KHDRBS2: variants seen among roughly 807,000 people sequenced by gnomAD.
KHDRBS2 encodes KH domain-containing, RNA-binding, signal transduction-associated protein 2.
KHDRBS2 carries 26 observed loss-of-function variants against 44.3 expected under a neutral mutation model. The ratio of observed to expected loss-of-function variants is 0.59; its 90% CI spans 0.43 to 0.81. The LOEUF is 0.81. KHDRBS2 is among the 40% of genes least tolerant of loss of function. KHDRBS2 has a pLI of 0.00. For synonymous variants in KHDRBS2, 194 were observed against 151.1 expected, an observed-to-expected ratio of 1.28 and a Z score of -2.08; for missense variants, 476 against 433.1, an observed-to-expected ratio of 1.10 and a Z score of -0.88.
chr6:61,578,634 T>C, the KHDRBS2 span, among the ~76,000 whole-genome samples: 1 of 152,130 alleles, frequency 6.6e-6, no homozygotes, highest in Admixed American at 6.6e-5. Context: ...GAAGTGGGCC[T>C]GCCCCATTGC....
At chr6:62,056,150 G>A (rs892903668) in intron 2 of KHDRBS2, among the ~76,000 whole-genome samples, 6 of 151,856 alleles carry the variant, frequency 4.0e-5, no homozygotes, top group Admixed American at 3.3e-4. Context: ...TAAATATAGA[G>A]TGGCTTTTGT....
At chr6:61,807,439 G>T (rs528562902) in intron 6 of KHDRBS2, among the ~76,000 whole-genome samples, 1 of 152,096 alleles carries the variant, frequency 6.6e-6, no homozygotes, top group Admixed American at 6.6e-5. Context: ...ATTAATGGTG[G>T]ACTGGATAAG....
chr6:61,622,692 C>T, the KHDRBS2 span, among the ~76,000 whole-genome samples: 476 of 152,104 alleles, frequency 3.1e-3, 1 homozygote, highest in African/African-American at 8.2e-3. Context: ...TGAGTTTCCC[C>T]GGCAGGAAGT....
rs571102368 is a variant in KHDRBS2, at chr6:61,709,530, T to C, written c.894-12277A>G. Reference sequence around the variant, plus strand: ...GAATATAACAATGTGCATACAATTCTGCAAATTATCTCCCTTTATAAACAC... The same window carrying C: ...GAATATAACAATGTGCATACAATTCCGCAAATTATCTCCCTTTATAAACAC... On this transcript the variant is annotated intron_variant, in intron 7 of 8. Transcript: ENST00000281156. Among the ~76,000 whole-genome samples the C allele has an allele frequency of 7.9e-5, 12 of 151,868 alleles. 1 individual carries two copies. In the South Asian group the frequency reaches 2.5e-3, roughly 31 times the overall value.
chr6:61,741,746 C>T (rs1315939450), intron 6 of KHDRBS2, among the ~76,000 whole-genome samples: 1 of 151,870 alleles, frequency 6.6e-6, no homozygotes, highest in Non-Finnish European at 1.5e-5. Flanking sequence ...TTTTTGTCAA[C>T]TAAAGAGAAC....
the KHDRBS2 span, among the ~76,000 whole-genome samples, chr6:61,634,818 G>A: frequency 0.015 from 2,234 of 152,076 alleles, 59 homozygotes; most frequent in African/African-American, 0.052. Flanking sequence ...ATCTAATAAA[G>A]TGTCATTAAT....
chr6:61,854,956 C>A (rs1795944628), intron 6 of KHDRBS2, among the ~76,000 whole-genome samples: 1 of 152,116 alleles, frequency 6.6e-6, no homozygotes, highest in Non-Finnish European at 1.5e-5. Flanking sequence ...TATTAACTAA[C>A]CTGTATTCAC....
rs113407645 is a variant in KHDRBS2 at position 61,897,711 on chromosome 6, G to GTCTCTCTC, written c.612-2886_612-2879dup. On this transcript the variant is annotated intron_variant, in intron 5 of 8. Transcript: ENST00000281156. ...GCCATAAGACGGTTTCTCTGTCTCT[G>GTCTCTCTC]TCTCTCTCTCTCTCTCTCTCTCTCA... Among the ~76,000 whole-genome samples the GTCTCTCTC allele has an allele frequency of 2.7e-5, 4 of 148,572 alleles. No individual in the cohort carries two copies. In the South Asian group the frequency reaches 8.5e-4, roughly 32 times the overall value.
intron 1 of KHDRBS2, among the ~76,000 whole-genome samples, chr6:62,238,848 A>C (rs1168074282): frequency 1.3e-5 from 2 of 152,182 alleles, no homozygotes; most frequent in Non-Finnish European, 2.9e-5. Flanking sequence ...AGCTGGAGCA[A>C]TAATGTGCTT....
At chr6:62,215,439 C>G (rs1422588730) in intron 1 of KHDRBS2, among the ~76,000 whole-genome samples, 1 of 151,690 alleles carries the variant, frequency 6.6e-6, no homozygotes, top group Non-Finnish European at 1.5e-5. Flanking sequence ...ATAAGCCACT[C>G]CTCCCTGCAG....
At chr6:61,775,301 G>A (rs565458866) in intron 6 of KHDRBS2, among the ~76,000 whole-genome samples, 1 of 152,032 alleles carries the variant, frequency 6.6e-6, no homozygotes, top group Non-Finnish European at 1.5e-5. Context: ...GGGCAATCAA[G>A]CAGCAGAAGG....
chr6:62,015,711 T>C (rs1486262203), intron 3 of KHDRBS2, among the ~76,000 whole-genome samples: 1 of 152,160 alleles, frequency 6.6e-6, no homozygotes, highest in Non-Finnish European at 1.5e-5. Flanking sequence ...CAGTTCCATA[T>C]AGATATAAAA....
the KHDRBS2 span, among the ~76,000 whole-genome samples, chr6:61,601,557 G>A: frequency 2.6e-5 from 4 of 152,056 alleles, no homozygotes; most frequent in African/African-American, 7.3e-5. Context: ...ACGGTCTGAG[G>A]TGCCTGACGT....
chr6:61,822,394 A>G (rs900281083), intron 6 of KHDRBS2, among the ~76,000 whole-genome samples: 1 of 151,912 alleles, frequency 6.6e-6, no homozygotes, highest in African/African-American at 2.4e-5. Context: ...TTCTCTAAAT[A>G]TTTCATGAAT....
chr6:61,733,004 CTTA>C (rs1018239031), intron 6 of KHDRBS2, among the ~76,000 whole-genome samples: 17 of 152,242 alleles, frequency 1.1e-4, no homozygotes, highest in African/African-American at 4.1e-4. Context: ...TACTCTAAGA[CTTA>C]TTTAGAATTT....
At chr6:61,936,514 T>G (rs1811059528) in intron 4 of KHDRBS2, among the ~76,000 whole-genome samples, 1 of 151,958 alleles carries the variant, frequency 6.6e-6, no homozygotes. Flanking sequence ...CTTTTTAAGT[T>G]AGATTTTTTT....
Position 61,746,072 on chromosome 6 carries a change from AGTTTT to A in KHDRBS2, c.811-13313_811-13309del, listed in dbSNP as rs200149340. The stretch of plus-strand genomic sequence containing the variant: ...AGTTTAGTTTAGTTTAGTTTAGTTT[AGTTTT>A]ATTTCACTTTAAGTTCCGGGATACA... On this transcript the variant is annotated intron_variant, in intron 6 of 8. Transcript: ENST00000281156. Among the ~76,000 whole-genome samples the A allele has an allele frequency of 3.4e-5, 5 of 148,878 alleles. No individual in the cohort carries two copies. The South Asian group carries it at 1.1e-3, about 32-fold the overall frequency.
intron 3 of KHDRBS2, among the ~76,000 whole-genome samples, chr6:62,000,154 CAT>C (rs749458983): frequency 1.3e-5 from 2 of 152,008 alleles, no homozygotes; most frequent in African/African-American, 2.4e-5. Flanking sequence ...CACATGCACA[CAT>C]GTGTTTGCTG....
intron 4 of KHDRBS2, among the ~76,000 whole-genome samples, chr6:61,977,835 T>G (rs1261681815): frequency 6.6e-6 from 1 of 152,150 alleles, no homozygotes; most frequent in Non-Finnish European, 1.5e-5. Context: ...ATGCATGGCA[T>G]GACACCAGCA....
Sources: allele counts gnomAD v4.1 joint callset (sites outside exome capture counted in the v4.1 genomes callset), GRCh38; gene constraint gnomAD v4.1.1; transcripts MANE v1.5; gene names NCBI Gene and HGNC (gene_info 2026-07-23, HGNC 2026-07-21).